MCUB: variants seen among roughly 807,000 people sequenced by gnomAD.
MCUB encodes the protein calcium uniporter regulatory subunit MCUb, mitochondrial.
A neutral mutation model predicts 41.4 loss-of-function variants in MCUB; 46 were observed. The observed-to-expected ratio is 1.11, with a 90% CI of 0.88 to 1.42. MCUB has a LOEUF of 1.42. Ranked by LOEUF, MCUB falls within the 40% of genes most tolerant of loss-of-function variation. MCUB has a pLI of 0.00. For missense variants in MCUB, 403 were observed against 404.9 expected, an observed-to-expected ratio of 1.00 and a Z score of 0.04; for synonymous variants, 148 against 148.2, an observed-to-expected ratio of 1.00 and a Z score of 0.01.
intron 1 of MCUB, among the ~76,000 whole-genome samples, chr4:109,590,916 A>G (rs1316045811): frequency 1.3e-5 from 2 of 152,230 alleles, no homozygotes; most frequent in Non-Finnish European, 1.5e-5. Flanking sequence ...ATGTCTTGTC[A>G]GAAGTTAAAA....
intron 1 of MCUB, among the ~76,000 whole-genome samples, chr4:109,655,814 G>T (rs1729082723): frequency 6.6e-6 from 1 of 152,026 alleles, no homozygotes; most frequent in Non-Finnish European, 1.5e-5. Flanking sequence ...CTCACAGTGT[G>T]GTTCTCACCC....
At chr4:109,657,027 G>A (rs916401955) in intron 1 of MCUB, among the ~76,000 whole-genome samples, 1 of 152,078 alleles carries the variant, frequency 6.6e-6, no homozygotes, top group South Asian at 2.1e-4. Flanking sequence ...AGACCAGCCT[G>A]GCCAACTTGG....
At chr4:109,586,292 T>G (rs1352966739) in intron 1 of MCUB, among the ~76,000 whole-genome samples, 1 of 152,236 alleles carries the variant, frequency 6.6e-6, no homozygotes, top group Non-Finnish European at 1.5e-5. Flanking sequence ...GCCATGGTTT[T>G]CAGTTCCATC....
At chr4:109,660,707 T>C (rs953436954) in intron 3 of MCUB, among the ~76,000 whole-genome samples, 1 of 151,902 alleles carries the variant, frequency 6.6e-6, no homozygotes, top group Non-Finnish European at 1.5e-5. Context: ...TCCCAGCTAC[T>C]TGGGAGGCTG....
intron 7 of MCUB, among the ~76,000 whole-genome samples, chr4:109,686,470 A>G (rs1422794692): frequency 1.3e-5 from 2 of 152,210 alleles, no homozygotes; most frequent in Non-Finnish European, 2.9e-5. Context: ...TTTATTTCAT[A>G]TAGTCATTCT....
At chr4:109,609,368 A>T (rs777832044) in intron 1 of MCUB, among the ~76,000 whole-genome samples, 2 of 152,182 alleles carry the variant, frequency 1.3e-5, no homozygotes, top group African/African-American at 4.8e-5. Context: ...TTTAGACCAT[A>T]TGTGGTGACT....
At chr4:109,572,355 G>A (rs1375218679) in intron 1 of MCUB, among the ~76,000 whole-genome samples, 2 of 152,214 alleles carry the variant, frequency 1.3e-5, no homozygotes, top group Non-Finnish European at 2.9e-5. Flanking sequence ...AGATGCTGAC[G>A]ATATGGTTTT....
intron 3 of MCUB, among the ~76,000 whole-genome samples, chr4:109,662,545 CTT>C (rs1729251620): frequency 6.6e-6 from 1 of 152,174 alleles, no homozygotes; most frequent in Non-Finnish European, 1.5e-5. Flanking sequence ...AAAAGGGACT[CTT>C]TGGACTGAGT....
intron 1 of MCUB, among the ~76,000 whole-genome samples, chr4:109,598,590 CAGAG>C (rs1479238522): frequency 7.4e-6 from 1 of 134,458 alleles, no homozygotes. Context: ...ACCGTGGAAA[CAGAG>C]GGAGAGGGAG....
At chr4:109,595,819 A>ATTGAGATAAGAG (rs1727542400) in intron 1 of MCUB, among the ~76,000 whole-genome samples, 2 of 152,246 alleles carry the variant, frequency 1.3e-5, no homozygotes, top group African/African-American at 2.4e-5. Flanking sequence ...ATCACCAATA[A>ATTGAGATAAGAG]TTGAGATAAG....
chr4:109,587,508 G>T (rs1342498408), intron 1 of MCUB, among the ~76,000 whole-genome samples: 1 of 152,234 alleles, frequency 6.6e-6, no homozygotes, highest in Non-Finnish European at 1.5e-5. Context: ...AGGTACCTCA[G>T]TTGGAAATGC....
chr4:109,602,001 C>T (rs1414428885), intron 1 of MCUB, among the ~76,000 whole-genome samples: 1 of 152,048 alleles, frequency 6.6e-6, no homozygotes, highest in Non-Finnish European at 1.5e-5. Flanking sequence ...GGACATTTGC[C>T]ATTTGTATGT....
At chr4:109,561,267 C>T (rs1726623109) in intron 1 of MCUB, among the ~76,000 whole-genome samples, 2 of 152,088 alleles carry the variant, frequency 1.3e-5, no homozygotes, top group Admixed American at 1.3e-4. Context: ...TTTGTTCCTC[C>T]CCCACACTGT....
chr4:109,662,521 T>C (rs927295728), intron 3 of MCUB, among the ~76,000 whole-genome samples: 18 of 152,156 alleles, frequency 1.2e-4, no homozygotes, highest in Non-Finnish European at 2.4e-4. Flanking sequence ...AGAAAGAGAA[T>C]AGAAGTCTTA....
chr4:109,677,066 A>G (rs1459161309), intron 4 of MCUB, among the ~76,000 whole-genome samples: 1 of 152,252 alleles, frequency 6.6e-6, no homozygotes, highest in Non-Finnish European at 1.5e-5. Flanking sequence ...GGACTGCCCA[A>G]GATTTTGAGG....
At chr4:109,684,116 G>A (rs1264605835) in intron 5 of MCUB, among the ~76,000 whole-genome samples, 1 of 143,192 alleles carries the variant, frequency 7.0e-6, no homozygotes, top group African/African-American at 2.9e-5. Flanking sequence ...AGGCTGGAGT[G>A]CAGTGGAGTG....
In MCUB at chr4:109,566,395, G is replaced by A. The variant is rs143556177; in HGVS notation, c.99+5959G>A. 4.6e-5 allele frequency among the ~76,000 whole-genome samples: 7 copies of A among 151,148 alleles called. No homozygotes were observed. The South Asian group carries it at 6.3e-4, about 14-fold the overall frequency. On this transcript the variant is annotated intron_variant, in intron 1 of 7. Coordinates refer to ENST00000394650, the MANE Select transcript of MCUB (RefSeq NM_017918.5). ...TGAGGCAGGAGAATGACATGAACCCGGGAGGCAGAGCTTGTAGTGAGCCGA... is the reference window on the plus strand; with the variant it reads ...TGAGGCAGGAGAATGACATGAACCCAGGAGGCAGAGCTTGTAGTGAGCCGA...
At chr4:109,600,824 C>A (rs1368648442) in intron 1 of MCUB, among the ~76,000 whole-genome samples, 1 of 152,040 alleles carries the variant, frequency 6.6e-6, no homozygotes, top group Admixed American at 6.6e-5. Flanking sequence ...GAGACTAAGT[C>A]TCGTCCTGTC....
intron 1 of MCUB, among the ~76,000 whole-genome samples, chr4:109,633,360 C>T (rs542079544): frequency 3.2e-4 from 49 of 152,106 alleles, no homozygotes; most frequent in African/African-American, 1.1e-3. Flanking sequence ...CTCCGCCTCC[C>T]GGGTTCACGC....
Sources: allele counts gnomAD v4.1 joint callset (sites outside exome capture counted in the v4.1 genomes callset), GRCh38; gene constraint gnomAD v4.1.1; transcripts MANE v1.5; gene names NCBI Gene and HGNC (gene_info 2026-07-23, HGNC 2026-07-21).